ADAMTSL1: variants seen among roughly 807,000 people sequenced by gnomAD.
The protein encoded by ADAMTSL1 is ADAMTS-like protein 1.
In ADAMTSL1, 126 loss-of-function variants were observed where a neutral mutation model predicts 201.8. That is an observed-to-expected ratio of 0.62 (90% confidence interval 0.54 to 0.72). The LOEUF (loss-of-function observed/expected upper bound fraction) is 0.72, where lower values mean the gene tolerates loss of function less well. Ranked by LOEUF, ADAMTSL1 falls within the 30% of genes least tolerant of loss-of-function variation. The pLI is 0.00. For synonymous variants in ADAMTSL1, 1,121 were observed against 903.4 expected (o/e 1.24, Z -4.32); for missense variants, 2,679 against 2,277.8 (o/e 1.18, Z -3.59).
chr9:18,887,855 T>C lies in ADAMTSL1; in HGVS notation c.4274T>C (p.Val1425Ala). 6.2e-7 allele frequency: 1 copy of C among 1,613,902 alleles called. No individual in the cohort carries two copies. The highest frequency in any genetic ancestry group is 8.5e-7 in the Non-Finnish European group (1 of 1,179,860). The change falls in exon 24 of 29, where the codon GTC becomes GCC. Residue 1425 changes from valine (V) to alanine (A), a missense_variant. Physicochemically the swap from Val to Ala is moderately conservative, Grantham distance 64. Coordinates refer to ENST00000380548, the MANE Select transcript of ADAMTSL1 (RefSeq NM_001040272.6). ...GGCTGCCCCATCAAAGGTCACCCTG[T>C]CCCTAATATCACCTGGTTTCATGGT... ...LLGCPIKGHP[V>A]PNITWFHGGQ... is the part of the protein sequence containing the mutation.
intron 20 of ADAMTSL1, among the ~76,000 whole-genome samples, chr9:18,799,694 G>C (rs1588130779): frequency 6.6e-6 from 1 of 152,158 alleles, no homozygotes; most frequent in East Asian, 1.9e-4. Context: ...GAGCTCATCT[G>C]ACATTTTCAC....
chr9:18,626,750 A>G (rs1826378574), intron 5 of ADAMTSL1, among the ~76,000 whole-genome samples: 1 of 152,224 alleles, frequency 6.6e-6, no homozygotes, highest in South Asian at 2.1e-4. Flanking sequence ...CTGTACCAGT[A>G]GCTGTGGAAA....
chr9:17,970,472 C>G (rs554224910), intron 1 of ADAMTSL1, among the ~76,000 whole-genome samples: 1 of 152,148 alleles, frequency 6.6e-6, no homozygotes, highest in Admixed American at 6.6e-5. Context: ...TTGTGGTAAC[C>G]TAGCCTGAGC....
At chr9:18,881,223 A>T (rs1563883566) in intron 23 of ADAMTSL1, among the ~76,000 whole-genome samples, 1 of 152,180 alleles carries the variant, frequency 6.6e-6, no homozygotes, top group Non-Finnish European at 1.5e-5. Flanking sequence ...ATGTTCTTCA[A>T]GAGCTTTTTC....
chr9:18,305,421 G>A (rs111566300), intron 2 of ADAMTSL1, among the ~76,000 whole-genome samples: 1 of 152,120 alleles, frequency 6.6e-6, no homozygotes, highest in African/African-American at 2.4e-5. Context: ...CAGGGGATCC[G>A]ACCCCCACAG....
intron 1 of ADAMTSL1, among the ~76,000 whole-genome samples, chr9:17,965,738 C>T (rs1230017849): frequency 6.6e-6 from 1 of 152,080 alleles, no homozygotes; most frequent in African/African-American, 2.4e-5. Context: ...GCTGGAGGCC[C>T]CAAGGGCATG....
chr9:18,110,677 A>G (rs1260187529), intron 1 of ADAMTSL1, among the ~76,000 whole-genome samples: 1 of 152,138 alleles, frequency 6.6e-6, no homozygotes, highest in Non-Finnish European at 1.5e-5. Context: ...TCAGGCATGG[A>G]GACTCTCTAA....
chr9:18,906,913 G>T lies in ADAMTSL1; in HGVS notation c.5182+1G>T. On this transcript the variant is annotated splice_donor_variant, in intron 28 of 28. Transcript: ENST00000380548. LOFTEE classifies it high-confidence loss of function. ...TGCAACATCACCCCATGTGAAAACA[G>T]TATGTTCCAACCCCAAAGAACCTTC... The T allele has an allele frequency of 1.2e-6, 2 of 1,613,916 alleles. No individual in the cohort carries two copies. Among genetic ancestry groups the T allele is most frequent in the East Asian group, 2.2e-5 (1 of 44,882 alleles).
chr9:18,066,205 G>A (rs1019948678), intron 1 of ADAMTSL1, among the ~76,000 whole-genome samples: 9 of 152,014 alleles, frequency 5.9e-5, no homozygotes, highest in African/African-American at 2.2e-4. Context: ...CAGTGATAAA[G>A]CATCCCAAGT....
At chr9:18,206,930 C>T (rs1242111883) in intron 2 of ADAMTSL1, among the ~76,000 whole-genome samples, 1 of 151,978 alleles carries the variant, frequency 6.6e-6, no homozygotes, top group Non-Finnish European at 1.5e-5. Flanking sequence ...TTTGAGAGGC[C>T]GAGGTGGGTG....
chr9:17,961,274 G>A (rs1157093233), intron 1 of ADAMTSL1, among the ~76,000 whole-genome samples: 2 of 152,086 alleles, frequency 1.3e-5, no homozygotes, highest in Admixed American at 6.6e-5. Flanking sequence ...TTGAGATGGA[G>A]TTTTGCTCTT....
intron 1 of ADAMTSL1, among the ~76,000 whole-genome samples, chr9:18,487,357 A>G (rs922566124): frequency 2.6e-5 from 4 of 152,198 alleles, no homozygotes; most frequent in East Asian, 1.9e-4. Flanking sequence ...TACAAAATTG[A>G]TTATAGCTTG....
At chr9:18,442,467 G>T (rs897699512) in intron 2 of ADAMTSL1, among the ~76,000 whole-genome samples, 1 of 152,136 alleles carries the variant, frequency 6.6e-6, no homozygotes, top group African/African-American at 2.4e-5. Flanking sequence ...ATTCAAAGCT[G>T]GGAGGCACTG....
In ADAMTSL1 at chr9:18,293,067, G is replaced by C. The variant is rs1833335892; in HGVS notation, c.207+129086G>C. ...GAAGAGGAGGTATAATTAGTACTTT[G>C]AGGGAATACTAAGTGCCAGACATGA... On this transcript the variant is annotated intron_variant, in intron 2 of 29. Transcript: ENST00000680146. Among the ~76,000 whole-genome samples the C allele has an allele frequency of 2.6e-5, 4 of 152,300 alleles. No homozygotes were observed. In the South Asian group the frequency reaches 6.2e-4, roughly 24 times the overall value.
At position 18,254,345 on chromosome 9, in the gene ADAMTSL1, G is replaced by GTTTTTT. The variant is rs59026505; in HGVS notation, c.207+90394_207+90399dup. Among the ~76,000 whole-genome samples, 237 of 49,384 alleles carry GTTTTTT rather than the reference G, an allele frequency of 4.8e-3. 29 individuals are homozygous for GTTTTTT. The highest frequency in any genetic ancestry group is 6.2e-3 in the Non-Finnish European group (179 of 28,720). 32.4% of individuals were successfully genotyped at this position (49,384 alleles called of 152,430 possible). A position where few individuals can be genotyped will look rare whatever the true frequency, so the allele number is the denominator to read the frequency against. ...GGAACTACCGTCAATACTCTTTTTG[G>GTTTTTT]TTTTTTTTTTTTTTTTTTTTTTTTT... On this transcript the variant is annotated intron_variant, in intron 2 of 29. Coordinates refer to the ADAMTSL1 transcript ENST00000680146.
intron 13 of ADAMTSL1, among the ~76,000 whole-genome samples, chr9:18,701,865 A>C (rs1264406924): frequency 1.3e-5 from 2 of 152,346 alleles, no homozygotes; most frequent in Admixed American, 6.5e-5. Context: ...AGAGGAAAGT[A>C]ATAGGATAAA....
In ADAMTSL1 at chr9:18,241,872, G is replaced by A. The variant is rs146846890; in HGVS notation, c.207+77891G>A. ...AATAACATATAAAGAAATTGAAAAA[G>A]CAACAAAAACCCTTACAGCAACAAA... On this transcript the variant is annotated intron_variant, in intron 2 of 29. Coordinates refer to the ADAMTSL1 transcript ENST00000680146. 4.6e-3 allele frequency among the ~76,000 whole-genome samples: 702 copies of A among 152,042 alleles called. 5 individuals are homozygous for A. Among genetic ancestry groups the A allele is most frequent in the African/African-American group, 0.016 (667 of 41,500 alleles).
At chr9:17,993,088 A>G (rs1240469685) in intron 1 of ADAMTSL1, among the ~76,000 whole-genome samples, 10 of 152,214 alleles carry the variant, frequency 6.6e-5, no homozygotes, top group Admixed American at 5.9e-4. Flanking sequence ...GACAAATAAT[A>G]CATTCTTGCT....
chr9:18,899,648 C>A (rs1829884557), intron 26 of ADAMTSL1, among the ~76,000 whole-genome samples: 1 of 152,086 alleles, frequency 6.6e-6, no homozygotes. Flanking sequence ...TACCTACAAC[C>A]ATCTGATCTT....
Sources: allele counts gnomAD v4.1 joint callset (sites outside exome capture counted in the v4.1 genomes callset), GRCh38; gene constraint gnomAD v4.1.1; transcripts MANE v1.5; gene names NCBI Gene and HGNC (gene_info 2026-07-23, HGNC 2026-07-21).